Variants in LINGO2 observed in about 807,000 individuals in gnomAD.
LINGO2 encodes leucine-rich repeat and immunoglobulin-like domain-containing nogo receptor-interacting protein 2.
In LINGO2, 14 loss-of-function variants were observed where a neutral mutation model predicts 30.6. That is an observed-to-expected ratio of 0.46 (90% CI 0.30 to 0.72). The LOEUF (loss-of-function observed/expected upper bound fraction) is 0.72. Ranked by LOEUF, LINGO2 falls within the 30% of genes least tolerant of loss-of-function variation. The pLI is 0.07. For missense variants in LINGO2, 729 were observed against 751.7 expected, an observed-to-expected ratio of 0.97 and a Z score of 0.35; for synonymous variants, 317 against 288.5, an observed-to-expected ratio of 1.10 and a Z score of -1.00.
chr9:28,999,410 T>G, the LINGO2 span, among the ~76,000 whole-genome samples: 5 of 152,110 alleles, frequency 3.3e-5, no homozygotes, highest in Admixed American at 2.0e-4. Flanking sequence ...CCAACTGTGA[T>G]TCTTTCAGGG....
At chr9:28,287,794 G>C (rs979282768) in intron 4 of LINGO2, among the ~76,000 whole-genome samples, 7 of 152,138 alleles carry the variant, frequency 4.6e-5, no homozygotes, top group Non-Finnish European at 1.0e-4. Flanking sequence ...TTGTGTGTGC[G>C]TGTGTGTGCG....
chr9:28,700,598 T>C, the LINGO2 span, among the ~76,000 whole-genome samples: 1 of 152,122 alleles, frequency 6.6e-6, no homozygotes, highest in Non-Finnish European at 1.5e-5. Context: ...ATAACATCCA[T>C]GTTTAAACCA....
chr9:28,589,687 G>T (rs1824768350), intron 1 of LINGO2, among the ~76,000 whole-genome samples: 1 of 151,990 alleles, frequency 6.6e-6, no homozygotes, highest in Admixed American at 6.6e-5. Flanking sequence ...CCATGCTCAT[G>T]GGTAGGAAGA....
chr9:29,018,995 T>A, the LINGO2 span, among the ~76,000 whole-genome samples: 1 of 152,282 alleles, frequency 6.6e-6, no homozygotes, highest in African/African-American at 2.4e-5. Context: ...TCAGAGAACC[T>A]GCTGTATTTA....
chr9:28,878,153 G>T, the LINGO2 span, among the ~76,000 whole-genome samples: 1,012 of 151,970 alleles, frequency 6.7e-3, 13 homozygotes, highest in African/African-American at 0.023. Context: ...TGATAAAGGG[G>T]ATATCACCAC....
chr9:28,197,453 A>G (rs1403613369), intron 4 of LINGO2, among the ~76,000 whole-genome samples: 4 of 152,000 alleles, frequency 2.6e-5, no homozygotes, highest in African/African-American at 9.7e-5. Context: ...TAAAGATGGC[A>G]TTTCAATTCA....
the LINGO2 span, among the ~76,000 whole-genome samples, chr9:29,119,908 T>C: frequency 1.3e-5 from 2 of 152,176 alleles, no homozygotes; most frequent in South Asian, 4.1e-4. Flanking sequence ...TAACTTTATA[T>C]GTATATTTTT....
chr9:29,153,246 G>C, the LINGO2 span, among the ~76,000 whole-genome samples: 1 of 151,804 alleles, frequency 6.6e-6, no homozygotes, highest in Non-Finnish European at 1.5e-5. Context: ...TTCCTTATAT[G>C]TTTTCTACTT....
intron 4 of LINGO2, among the ~76,000 whole-genome samples, chr9:28,239,831 A>C (rs558650471): frequency 6.6e-6 from 1 of 152,310 alleles, no homozygotes; most frequent in East Asian, 1.9e-4. Flanking sequence ...ATTGGAAAGG[A>C]AAATGTCAAA....
At chr9:28,883,628 GTATATATATATATATATA>G in the LINGO2 span, among the ~76,000 whole-genome samples, 110 of 64,178 alleles carry the variant, frequency 1.7e-3, 8 homozygotes, top group East Asian at 0.039. Context: ...ATGTGTGTGT[GTATATATATATATATATA>G]TATATATATA....
intron 4 of LINGO2, among the ~76,000 whole-genome samples, chr9:28,013,316 A>C (rs888294968): frequency 3.9e-5 from 6 of 152,142 alleles, no homozygotes; most frequent in Non-Finnish European, 1.5e-5. Context: ...CCTGACTTAG[A>C]AGGGTCTTAT....
chr9:29,126,206 T>A, the LINGO2 span, among the ~76,000 whole-genome samples: 1 of 151,974 alleles, frequency 6.6e-6, no homozygotes, highest in African/African-American at 2.4e-5. Context: ...CAAAAGAAAA[T>A]AATCAGAAAA....
intron 4 of LINGO2, among the ~76,000 whole-genome samples, chr9:28,111,580 A>G (rs1043097753): frequency 1.3e-5 from 2 of 152,124 alleles, no homozygotes; most frequent in Non-Finnish European, 2.9e-5. Flanking sequence ...TGGCTAGTTC[A>G]GAGTAATCAT....
chr9:28,062,902 C>A (rs1294489613), intron 4 of LINGO2, among the ~76,000 whole-genome samples: 2 of 151,898 alleles, frequency 1.3e-5, no homozygotes, highest in Non-Finnish European at 2.9e-5. Flanking sequence ...CATCCACCAC[C>A]AACCCCCAGC....
At chr9:28,859,132 G>A in the LINGO2 span, among the ~76,000 whole-genome samples, 1 of 152,074 alleles carries the variant, frequency 6.6e-6, no homozygotes, top group Non-Finnish European at 1.5e-5. Context: ...TTCTGAAGGA[G>A]AGTAATTTTC....
chr9:28,837,354 A>C, the LINGO2 span, among the ~76,000 whole-genome samples: 1 of 151,968 alleles, frequency 6.6e-6, no homozygotes, highest in African/African-American at 2.4e-5. Context: ...ACTATTAGAA[A>C]TATTGTTAGG....
At chr9:28,252,561 G>A (rs1300637619) in intron 4 of LINGO2, among the ~76,000 whole-genome samples, 1 of 151,994 alleles carries the variant, frequency 6.6e-6, no homozygotes, top group African/African-American at 2.4e-5. Flanking sequence ...GCCAACATTT[G>A]TCTAACCTTG....
intron 4 of LINGO2, among the ~76,000 whole-genome samples, chr9:28,278,083 C>A (rs1214158612): frequency 6.6e-6 from 1 of 152,094 alleles, no homozygotes; most frequent in Non-Finnish European, 1.5e-5. Flanking sequence ...GAAGATCAAA[C>A]CAGACACAAG....
At chr9:28,404,480 G>T (rs1443229573) in intron 2 of LINGO2, among the ~76,000 whole-genome samples, 1 of 152,050 alleles carries the variant, frequency 6.6e-6, no homozygotes, top group Non-Finnish European at 1.5e-5. Context: ...TTACTAAAAA[G>T]AATATTCTGT....
Sources: gnomAD v4.1 joint callset for allele counts (sites outside exome capture counted in the v4.1 genomes callset) on GRCh38, gnomAD v4.1.1 for gene constraint, MANE v1.5 for transcripts, NCBI Gene and HGNC (gene_info 2026-07-23, HGNC 2026-07-21) for gene names.